The following SNRPD1 variants were observed in gnomAD, a reference collection of about 807,000 sequenced individuals.
SNRPD1 encodes small nuclear ribonucleoprotein Sm D1.
SNRPD1 carries 1 observed loss-of-function variant against 14.4 expected under a neutral mutation model. The ratio of observed to expected loss-of-function variants is 0.07; its 90% confidence interval spans 0.02 to 0.33. The LOEUF (loss-of-function observed/expected upper bound fraction) is 0.33, where lower values mean the gene tolerates loss of function less well. Ranked by LOEUF, SNRPD1 falls within the 10% of genes least tolerant of loss-of-function variation. The pLI, the probability that SNRPD1 is intolerant of heterozygous loss-of-function variation, is 1.00. For missense variants in SNRPD1, 52 were observed against 146.4 expected (o/e 0.36, Z 3.33); for synonymous variants, 42 against 50.3 (o/e 0.83, Z 0.70).
At chr18:21,612,635 G>C (rs2038927430) in intron 1 of SNRPD1, among the ~76,000 whole-genome samples, 192 bp downstream of exon 1, 1 of 152,286 alleles carries the variant, frequency 6.6e-6, no homozygotes, top group African/African-American at 2.4e-5. Context: ...GATCCCGCGT[G>C]TCTTCCAAGA....
chr18:21,612,332 T>A lies in SNRPD1; in HGVS notation c.-98T>A. ...GCGCGCTCTTGACGTCCGGAGCCCC[T>A]GGAGTAGGCGCTTCCGGCCATTCAT... is the stretch of plus-strand genomic sequence containing the variant. On this transcript the variant is annotated 5_prime_UTR_variant, in exon 1 of 4. Transcript: ENST00000300413. 2.2e-6 allele frequency: 2 copies of A among 898,148 alleles called. No individual in the cohort carries two copies. Among genetic ancestry groups the A allele is most frequent in the Non-Finnish European group, 3.3e-6 (2 of 608,272 alleles). 55.6% of individuals were successfully genotyped at this position (898,148 alleles called of 1,614,324 possible).
rs562574634 is a variant in SNRPD1 at position 21,631,406 on chromosome 18, A to T, written c.*2268A>T. On this transcript the variant is annotated 3_prime_UTR_variant, in exon 4 of 4. Coordinates refer to ENST00000300413, the MANE Select transcript of SNRPD1 (RefSeq NM_006938.4). ...GAGTTGGCTTGACAAGATACAACCA[A>T]TATGTAATTTTTCTCCACACGTTTT... 1 of 144,512 alleles carries T rather than the reference A, an allele frequency of 6.9e-6. No individual in the cohort carries two copies. Among genetic ancestry groups the T allele is most frequent in the East Asian group, 2.1e-4 (1 of 4,872 alleles). The allele number at this position is 144,512 out of a possible 1,614,324, so 9.0% of individuals were successfully genotyped here.
chr18:21,612,439 G>A lies in SNRPD1; in HGVS notation c.10G>A (p.Val4Met). 6.4e-7 allele frequency: 1 copy of A among 1,552,690 alleles called. No individual in the cohort carries two copies. The highest frequency in any genetic ancestry group is 8.8e-7 in the Non-Finnish European group (1 of 1,141,880). Residue 4 changes from valine to methionine, a missense_variant, in exon 1 of 4, where the codon GTG becomes ATG. Coordinates refer to ENST00000300413, the MANE Select transcript of SNRPD1 (RefSeq NM_006938.4). ...TGACGGCGCCGCTAGGATGAAGCTCGTGAGGTGAGGGAGTGACCAAGCAGC... is the reference window on the plus strand; with the variant it reads ...TGACGGCGCCGCTAGGATGAAGCTCATGAGGTGAGGGAGTGACCAAGCAGC... MKL[V>M]RFLMKLSHET...
intron 1 of SNRPD1, among the ~76,000 whole-genome samples, chr18:21,618,773 C>CT (rs1438915002): frequency 2.0e-5 from 3 of 151,892 alleles, no homozygotes; most frequent in Admixed American, 6.6e-5. Context: ...CAAGTAATTT[C>CT]TTTTTTGTGA....
intron 3 of SNRPD1, among the ~76,000 whole-genome samples, chr18:21,626,408 A>C (rs2146261870): frequency 6.6e-6 from 1 of 151,308 alleles, no homozygotes; most frequent in East Asian, 1.9e-4. Flanking sequence ...AAAAAAAAAA[A>C]AAAAAAAGGA....
intron 1 of SNRPD1, among the ~76,000 whole-genome samples, chr18:21,618,007 C>T (rs2038970182): frequency 6.6e-6 from 1 of 152,118 alleles, no homozygotes; most frequent in Admixed American, 6.5e-5. Context: ...TACTCTGTGT[C>T]TTATGCTGTA....
Position 21,622,719 on chromosome 18 carries a change from T to G in SNRPD1, c.15-6T>G, listed in dbSNP as rs2039007435. On this transcript the variant is annotated splice_region_variant and splice_polypyrimidine_tract_variant and intron_variant, in intron 1 of 3. Transcript: ENST00000300413. Reference sequence around the variant, plus strand: ...CAGGTAAAAATGGTTTTATTCCTATTTATAGATTTTTGATGAAATTGAGTC... The same window carrying G: ...CAGGTAAAAATGGTTTTATTCCTATGTATAGATTTTTGATGAAATTGAGTC... 2 of 1,381,998 alleles carry G rather than the reference T, an allele frequency of 1.4e-6. No homozygotes were observed. Among genetic ancestry groups the G allele is most frequent in the African/African-American group, 2.8e-5 (2 of 70,400 alleles). The allele number at this position is 1,381,998 out of a possible 1,614,324, so 85.6% of individuals were successfully genotyped here.
At position 21,618,510 on chromosome 18, in the gene SNRPD1, A is replaced by T. The variant is rs541001550; in HGVS notation, c.15-4215A>T. On this transcript the variant is annotated intron_variant, in intron 1 of 3. Coordinates refer to ENST00000300413, the MANE Select transcript of SNRPD1 (RefSeq NM_006938.4). ...AAATGATTTGAAGAACTTTTATAGT[A>T]AAAGTTCTTACTAACTGGGATAGTA... is the stretch of plus-strand genomic sequence containing the variant. 2.6e-5 allele frequency among the ~76,000 whole-genome samples: 4 copies of T among 152,006 alleles called. No homozygotes were observed. In the East Asian group the frequency reaches 7.7e-4, roughly 29 times the overall value.
At chr18:21,613,854 C>CAAAAAAAAAAAAAAAAAAAAAA (rs56863125) in intron 1 of SNRPD1, among the ~76,000 whole-genome samples, 1 of 58,696 alleles carries the variant, frequency 1.7e-5, no homozygotes, top group Non-Finnish European at 2.9e-5. Context: ...GACTCCATCT[C>CAAAAAAAAAAAAAAAAAAAAAA]AAAAAAAAAA....
At chr18:21,618,791 C>T (rs1015119279) in intron 1 of SNRPD1, among the ~76,000 whole-genome samples, 7 of 151,818 alleles carry the variant, frequency 4.6e-5, no homozygotes, top group African/African-American at 1.7e-4. Context: ...TGATGGCTGT[C>T]TATACCACTA....
chr18:21,617,137 C>T (rs139481121), intron 1 of SNRPD1, among the ~76,000 whole-genome samples: 3 of 151,956 alleles, frequency 2.0e-5, no homozygotes, highest in African/African-American at 4.8e-5. Context: ...GCCTGTTACA[C>T]GTCTTTGGCA....
At chr18:21,621,375 C>CT (rs2038996746) in intron 1 of SNRPD1, among the ~76,000 whole-genome samples, 1 of 152,024 alleles carries the variant, frequency 6.6e-6, no homozygotes, top group Non-Finnish European at 1.5e-5. Context: ...TAGTGGAATA[C>CT]TTTCCAGTTC....
In SNRPD1 at chr18:21,631,128, A is replaced by ATT. The variant is rs1385789142; in HGVS notation, c.*1995_*1996dup. ...TATGAAATTCATGATGATTAAGACA[A>ATT]TTTTTTCTTTCTTTCTTTTGAGACA... On this transcript the variant is annotated 3_prime_UTR_variant, in exon 4 of 4. Transcript: ENST00000300413. 1 of 151,640 alleles carries ATT rather than the reference A, an allele frequency of 6.6e-6. No homozygotes were observed. Among genetic ancestry groups the ATT allele is most frequent in the Non-Finnish European group, 1.5e-5 (1 of 67,944 alleles). The allele number at this position is 151,640 out of a possible 1,614,324, so 9.4% of individuals were successfully genotyped here.
chr18:21,617,066 G>A (rs546365600), intron 1 of SNRPD1, among the ~76,000 whole-genome samples: 26 of 151,976 alleles, frequency 1.7e-4, no homozygotes, highest in African/African-American at 6.0e-4. Flanking sequence ...GTCCAGGTTC[G>A]TTTTTTTTCT....
chr18:21,614,459 A>T (rs2038943195), intron 1 of SNRPD1, among the ~76,000 whole-genome samples: 1 of 152,206 alleles, frequency 6.6e-6, no homozygotes, highest in South Asian at 2.1e-4. Flanking sequence ...GGTAAAATAT[A>T]GAAACAAATT....
At chr18:21,614,374 C>G (rs1224936422) in intron 1 of SNRPD1, among the ~76,000 whole-genome samples, 1 of 152,152 alleles carries the variant, frequency 6.6e-6, no homozygotes, top group Non-Finnish European at 1.5e-5. Context: ...CATTTGTTCC[C>G]TTTAAAGATA....
At chr18:21,623,974 G>A (rs751884806) in intron 3 of SNRPD1, 35 bp downstream of exon 3, 1 of 1,277,086 alleles carries the variant, frequency 7.8e-7, no homozygotes, top group Non-Finnish European at 1.1e-6. Flanking sequence ...TTTTGTGAAT[G>A]CTAATCCTAA....
chr18:21,613,874 A>AG (rs1459279207), intron 1 of SNRPD1, among the ~76,000 whole-genome samples: 2 of 150,896 alleles, frequency 1.3e-5, no homozygotes, highest in African/African-American at 4.9e-5. Flanking sequence ...AAAAAAAAAA[A>AG]AAAATTATAT....
chr18:21,627,698 A>G (rs2039051432), intron 3 of SNRPD1, among the ~76,000 whole-genome samples: 2 of 152,062 alleles, frequency 1.3e-5, no homozygotes, highest in Admixed American at 1.3e-4. Flanking sequence ...TTTAGACACA[A>G]AAAGTTGCAA....
Sources: allele counts gnomAD v4.1 joint callset (sites outside exome capture counted in the v4.1 genomes callset), GRCh38; gene constraint gnomAD v4.1.1; transcripts MANE v1.5; gene names NCBI Gene and HGNC (gene_info 2026-07-23, HGNC 2026-07-21).